ART4: variants seen among roughly 807,000 people sequenced by gnomAD.
ART4 encodes ecto-ADP-ribosyltransferase 4.
A neutral mutation model predicts 24.2 loss-of-function variants in ART4; 14 were observed. The observed-to-expected ratio is 0.58, with a 90% CI of 0.38 to 0.90. The LOEUF is 0.90. ART4 is among the 40% of genes least tolerant of loss of function. The pLI is 0.00. For synonymous variants in ART4, 145 were observed against 139.9 expected (o/e 1.04, Z -0.26); for missense variants, 356 against 366.6 (o/e 0.97, Z 0.24).
intron 2 of ART4, among the ~76,000 whole-genome samples, chr12:14,834,668 T>C (rs1038418009): frequency 6.6e-6 from 1 of 152,244 alleles, no homozygotes; most frequent in Admixed American, 6.5e-5. Flanking sequence ...ATTTTTGGCA[T>C]AGGTTATTTT....
rs2137294576 is a variant in ART4, at chr12:14,826,581, C to G, written c.*2790G>C. Reference sequence around the variant, plus strand: ...AACGCTTTAGGAGAATTGTCTTACTCAGAAAATTATGACTTCTCATGGAAA... The same window carrying G: ...AACGCTTTAGGAGAATTGTCTTACTGAGAAAATTATGACTTCTCATGGAAA... On this transcript the variant is annotated 3_prime_UTR_variant, in exon 3 of 3. Coordinates refer to ENST00000228936, the MANE Select transcript of ART4 (RefSeq NM_021071.4). 1 of 152,292 alleles carries G rather than the reference C, an allele frequency of 6.6e-6. No homozygotes were observed. The highest frequency in any genetic ancestry group is 1.9e-4 in the East Asian group (1 of 5,184). The allele number at this position is 152,292 out of a possible 1,614,324, so 9.4% of individuals were successfully genotyped here. A position where few individuals can be genotyped will look rare whatever the true frequency, so the allele number is the denominator to read the frequency against.
At chr12:14,841,347 GATAA>G (rs971370163) in intron 1 of ART4, 194 bp from the exon 2 acceptor site, 1 of 501,246 alleles carries the variant, frequency 2.0e-6, no homozygotes, top group African/African-American at 2.0e-5. Flanking sequence ...AATTTGGTTT[GATAA>G]ATAAATTACT....
intron 2 of ART4, among the ~76,000 whole-genome samples, chr12:14,829,966 A>G (rs942609484): frequency 2.0e-5 from 3 of 152,182 alleles, no homozygotes; most frequent in Non-Finnish European, 2.9e-5. Context: ...AGTGTCACAC[A>G]TCTTGTAAAT....
intron 2 of ART4, among the ~76,000 whole-genome samples, chr12:14,831,219 T>C (rs1950393997): frequency 6.6e-6 from 1 of 151,984 alleles, no homozygotes; most frequent in Non-Finnish European, 1.5e-5. Context: ...ATTTTGCTCT[T>C]AGGACACCAA....
chr12:14,838,294 G>T (rs878914837), intron 2 of ART4, among the ~76,000 whole-genome samples: 2 of 152,100 alleles, frequency 1.3e-5, no homozygotes, highest in Admixed American at 1.3e-4. Context: ...GTGAGTAATG[G>T]TTTATATTAT....
At chr12:14,829,492 T>C (rs1413476830) in intron 2 of ART4, 30 bp from the exon 3 acceptor site, 1 of 1,543,010 alleles carries the variant, frequency 6.5e-7, no homozygotes, top group Admixed American at 1.8e-5. Context: ...GGAAATATTT[T>C]AGGTAGCAGA....
rs372765947 is a variant in ART4, at chr12:14,829,086, G to A, written c.*285C>T. The stretch of plus-strand genomic sequence containing the variant: ...AATATACTGATTGGCTAAGGCCTGA[G>A]TTACAGGCCAATCACAGTCAGTGGG... On this transcript the variant is annotated 3_prime_UTR_variant, in exon 3 of 3. Coordinates refer to ENST00000228936, the MANE Select transcript of ART4 (RefSeq NM_021071.4). The A allele has an allele frequency of 4.1e-6, 1 of 242,096 alleles. No homozygotes were observed. The highest frequency in any genetic ancestry group is 7.8e-6 in the Non-Finnish European group (1 of 128,828). The allele number at this position is 242,096 out of a possible 1,614,324, so 15.0% of individuals were successfully genotyped here. A position where few individuals can be genotyped will look rare whatever the true frequency, so the allele number is the denominator to read the frequency against.
Position 14,826,086 on chromosome 12 carries a change from C to T in ART4, c.*3285G>A, listed in dbSNP as rs531462864. On this transcript the variant is annotated 3_prime_UTR_variant, in exon 3 of 3. Coordinates refer to ENST00000228936, the MANE Select transcript of ART4 (RefSeq NM_021071.4). ...ATCTTTGGAAGATATCCCAGGCTAA[C>T]AAATTTATCCCAGCAGAAATTACAG... The T allele has an allele frequency of 1.3e-5, 2 of 152,310 alleles. No homozygotes were observed. Among genetic ancestry groups the T allele is most frequent in the East Asian group, 1.9e-4 (1 of 5,186 alleles). 9.4% of individuals were successfully genotyped at this position (152,310 alleles called of 1,614,324 possible). A position where few individuals can be genotyped will look rare whatever the true frequency, so the allele number is the denominator to read the frequency against.
In ART4 at chr12:14,827,340, A is replaced by G. The variant is rs1174670936; in HGVS notation, c.*2031T>C. The G allele has an allele frequency of 2.0e-5, 3 of 152,224 alleles. No individual in the cohort carries two copies. The allele number at this position is 152,224 out of a possible 1,614,324, so 9.4% of individuals were successfully genotyped here. A position where few individuals can be genotyped will look rare whatever the true frequency, so the allele number is the denominator to read the frequency against. The stretch of plus-strand genomic sequence containing the variant: ...CCCCAGGACTCTCTACTAGGTAGCC[A>G]CCAAACTGCCAAAGACCCTATCCTA... On this transcript the variant is annotated 3_prime_UTR_variant, in exon 3 of 3. Transcript: ENST00000228936.
chr12:14,826,730 A>G lies in ART4; in HGVS notation c.*2641T>C, dbSNP rs534247539. ...CTGACCTTATGCTGTACATACATCG[A>G]TCATTCCGTATTCGCTTCTATTTTC... On this transcript the variant is annotated 3_prime_UTR_variant, in exon 3 of 3. Coordinates refer to ENST00000228936, the MANE Select transcript of ART4 (RefSeq NM_021071.4). The G allele has an allele frequency of 1.3e-5, 2 of 152,196 alleles. No individual in the cohort carries two copies. Among genetic ancestry groups the G allele is most frequent in the South Asian group, 4.1e-4 (2 of 4,830 alleles). The allele number at this position is 152,196 out of a possible 1,614,324, so 9.4% of individuals were successfully genotyped here. A position where few individuals can be genotyped will look rare whatever the true frequency, so the allele number is the denominator to read the frequency against.
chr12:14,830,649 GTATA>G (rs3084548), intron 2 of ART4, among the ~76,000 whole-genome samples: 1,342 of 25,822 alleles, frequency 0.052, 66 homozygotes, highest in East Asian at 0.1. Context: ...CTGTATGTAT[GTATA>G]TATATATATA....
chr12:14,834,646 G>A (rs919529009), intron 2 of ART4, among the ~76,000 whole-genome samples: 2 of 152,198 alleles, frequency 1.3e-5, no homozygotes, highest in African/African-American at 4.8e-5. Flanking sequence ...GCATGTATTT[G>A]TGTGTCTACA....
chr12:14,832,220 G>A (rs912607656), intron 2 of ART4, among the ~76,000 whole-genome samples: 5 of 152,114 alleles, frequency 3.3e-5, no homozygotes, highest in East Asian at 3.9e-4. Flanking sequence ...CTATGTGATC[G>A]AATCTACATC....
intron 2 of ART4, among the ~76,000 whole-genome samples, chr12:14,833,904 G>A (rs71583818): frequency 0.019 from 2,959 of 152,274 alleles, 61 homozygotes; most frequent in South Asian, 0.12. Context: ...AATGAAAAGC[G>A]TTATTCCTTC....
intron 2 of ART4, among the ~76,000 whole-genome samples, chr12:14,833,136 C>G (rs1305819580): frequency 6.6e-6 from 1 of 152,012 alleles, no homozygotes; most frequent in Non-Finnish European, 1.5e-5. Context: ...GTTGTGACAT[C>G]AGCTTAGGAG....
At chr12:14,831,304 C>G (rs1950394661) in intron 2 of ART4, among the ~76,000 whole-genome samples, 1 of 144,552 alleles carries the variant, frequency 6.9e-6, no homozygotes, top group South Asian at 2.2e-4. Flanking sequence ...GGGTCTTGCT[C>G]TGTCACCCAG....
Position 14,826,832 on chromosome 12 carries a change from C to G in ART4, c.*2539G>C, listed in dbSNP as rs1950362688. 1 of 152,196 alleles carries G rather than the reference C, an allele frequency of 6.6e-6. No homozygotes were observed. Among genetic ancestry groups the G allele is most frequent in the Admixed American group, 6.5e-5 (1 of 15,276 alleles). The allele number at this position is 152,196 out of a possible 1,614,324, so 9.4% of individuals were successfully genotyped here. On this transcript the variant is annotated 3_prime_UTR_variant, in exon 3 of 3. Coordinates refer to ENST00000228936, the MANE Select transcript of ART4 (RefSeq NM_021071.4). ...TAGGCCAGAGGAATCACATTTTTCT[C>G]TCAGCTCCAAGCATTTAATATTTGG...
intron 2 of ART4, among the ~76,000 whole-genome samples, chr12:14,833,186 T>TA (rs1415781204): frequency 6.6e-6 from 1 of 152,156 alleles, no homozygotes; most frequent in African/African-American, 2.4e-5. Context: ...TAAAATAAGT[T>TA]AGAATAGAAA....
At chr12:14,835,575 A>C (rs1950424610) in intron 2 of ART4, among the ~76,000 whole-genome samples, 1 of 152,092 alleles carries the variant, frequency 6.6e-6, no homozygotes, top group Non-Finnish European at 1.5e-5. Flanking sequence ...ACAACACTGT[A>C]GCGAATAACT....
Sources: allele counts gnomAD v4.1 joint callset (sites outside exome capture counted in the v4.1 genomes callset), GRCh38; gene constraint gnomAD v4.1.1; transcripts MANE v1.5; gene names NCBI Gene and HGNC (gene_info 2026-07-23, HGNC 2026-07-21).